The following IFT140 variants were observed in gnomAD, a reference collection of about 807,000 sequenced individuals.
IFT140 encodes the protein intraflagellar transport protein 140 homolog.
Under a neutral mutation model 164.6 loss-of-function variants are expected in IFT140, and 133 were observed. The observed-to-expected ratio is 0.81, with a 90% confidence interval of 0.70 to 0.93. IFT140 has a LOEUF of 0.93. Ranked by LOEUF, IFT140 falls within the 40% of genes least tolerant of loss-of-function variation. IFT140 has a pLI of 0.00. For missense variants in IFT140, 2,045 were observed against 1,972.3 expected, an observed-to-expected ratio of 1.04 and a Z score of -0.70; for synonymous variants, 860 against 817.3, an observed-to-expected ratio of 1.05 and a Z score of -0.89.
chr16:1,517,839 G>A (rs949028785), intron 30 of IFT140, among the ~76,000 whole-genome samples: 3 of 152,028 alleles, frequency 2.0e-5, no homozygotes, highest in Non-Finnish European at 4.4e-5. Context: ...GCTACCGACA[G>A]ATTTTTTTTT....
intron 3 of IFT140, among the ~76,000 whole-genome samples, chr16:1,603,933 G>A (rs1485544227): frequency 6.6e-6 from 1 of 152,124 alleles, no homozygotes; most frequent in Non-Finnish European, 1.5e-5. Flanking sequence ...TCACTATTTT[G>A]AAATCCTGAA....
At chr16:1,525,744 C>CT in intron 21 of IFT140, 143 bp downstream of exon 21, 2 of 870,050 alleles carry the variant, frequency 2.3e-6, no homozygotes, top group Non-Finnish European at 3.4e-6. Context: ...CCAGAAGCTT[C>CT]CTGCCGAGAA....
rs1224073454 is a variant in IFT140 at position 1,599,143 on chromosome 16, GC to G, written c.369+3226del. Among the ~76,000 whole-genome samples, 10 of 80,034 alleles carry G rather than the reference GC, an allele frequency of 1.2e-4. No homozygotes were observed. The East Asian group carries it at 3.9e-3, about 31-fold the overall frequency. 52.5% of individuals were successfully genotyped at this position (80,034 alleles called of 152,430 possible). On this transcript the variant is annotated intron_variant, in intron 4 of 30. Coordinates refer to ENST00000426508, the MANE Select transcript of IFT140 (RefSeq NM_014714.4). ...AGGTGAGGAGCGTCTCTGCCCGGCC[GC>G]CCCGTCTGAGAAGTGAGGAGACCCT...
At chr16:1,530,133 CTTTTTTTT>C (rs922819138) in intron 19 of IFT140, among the ~76,000 whole-genome samples, 3 of 88,586 alleles carry the variant, frequency 3.4e-5, no homozygotes, top group Admixed American at 1.4e-4. Flanking sequence ...CGACGGGAAT[CTTTTTTTT>C]TTTTTTTTTT....
intron 13 of IFT140, among the ~76,000 whole-genome samples, chr16:1,572,454 G>A (rs2034071124): frequency 6.6e-6 from 1 of 152,172 alleles, no homozygotes; most frequent in Admixed American, 6.5e-5. Context: ...AGACCATCCA[G>A]GCTAACACGG....
At chr16:1,611,490 C>CAAAAAA (rs150781872) in intron 1 of IFT140, among the ~76,000 whole-genome samples, 1 of 86,822 alleles carries the variant, frequency 1.2e-5, no homozygotes, top group Non-Finnish European at 2.4e-5. Context: ...CAGAGCGAGT[C>CAAAAAA]AAAAAAAAAA....
chr16:1,607,319 C>G (rs2036128191), intron 2 of IFT140, 22 bp from the exon 3 acceptor site: 12 of 1,552,654 alleles, frequency 7.7e-6, no homozygotes, highest in African/African-American at 5.5e-5. Flanking sequence ...AAAAAATGAC[C>G]AAGTCCAATC....
chr16:1,571,498 CAGTCTCCGA>C lies in IFT140; in HGVS notation c.1552_1560del (p.Ser518_Thr520del). Reference sequence around the variant, plus strand: ...ATGTCCAAGAAGCAGGGATTCCCCTCAGTCTCCGAGAAAAGGAGGAGTTGTTTGACAGTC... The same window carrying C: ...ATGTCCAAGAAGCAGGGATTCCCCTCGAAAAGGAGGAGTTGTTTGACAGTC... On this transcript the variant is annotated inframe_deletion, in exon 14 of 31. Transcript: ENST00000426508. The C allele has an allele frequency of 1.2e-6, 2 of 1,614,096 alleles. No individual in the cohort carries two copies. The highest frequency in any genetic ancestry group is 2.7e-5 in the African/African-American group (2 of 75,068).
At chr16:1,583,483 C>T in intron 11 of IFT140, 97 bp from the exon 12 acceptor site, 1 of 863,182 alleles carries the variant, frequency 1.2e-6, no homozygotes, top group Middle Eastern at 2.2e-4. Flanking sequence ...CTAAACACTT[C>T]TGAACACTGC....
chr16:1,575,669 T>C (rs1375507906), intron 13 of IFT140, among the ~76,000 whole-genome samples: 1 of 152,210 alleles, frequency 6.6e-6, no homozygotes, highest in Non-Finnish European at 1.5e-5. Context: ...CCCACTGTTA[T>C]TTCCCATCAT....
chr16:1,562,177 T>C, intron 17 of IFT140, 61 bp from the exon 18 acceptor site: 1 of 1,452,236 alleles, frequency 6.9e-7, no homozygotes, highest in Non-Finnish European at 9.2e-7. Context: ...ATTTCTGGGG[T>C]ATGAGTGCCA....
rs565663043 is a variant in IFT140, at chr16:1,513,863, C to T, written c.4183-2713G>A. Among the ~76,000 whole-genome samples, 242 of 143,672 alleles carry T rather than the reference C, an allele frequency of 1.7e-3. 1 individual carries two copies. Among genetic ancestry groups the T allele is most frequent in the Admixed American group, 9.4e-3 (139 of 14,748 alleles). The allele number at this position is 143,672 out of a possible 152,430, so 94.3% of individuals were successfully genotyped here. ...TAATTTTTTGTATTTTTAGTAGAGA[C>T]GGGGTTTCACCGTGTTAGCCAAGAT... On this transcript the variant is annotated intron_variant, in intron 30 of 30. Transcript: ENST00000426508.
At chr16:1,607,375 A>C in intron 2 of IFT140, 78 bp from the exon 3 acceptor site, 2 of 1,285,238 alleles carry the variant, frequency 1.6e-6, no homozygotes, top group Non-Finnish European at 1.1e-6. Context: ...GAATGACGAA[A>C]AGGAAGCATC....
At chr16:1,544,143 G>A (rs1490489888) in intron 19 of IFT140, among the ~76,000 whole-genome samples, 1 of 149,074 alleles carries the variant, frequency 6.7e-6, no homozygotes, top group African/African-American at 2.5e-5. Context: ...TCAGCCTCCC[G>A]TGTAGGTGGG....
Position 1,534,618 on chromosome 16 carries a change from G to A in IFT140, c.2400-7822C>T, listed in dbSNP as rs368186281. ...CGAGGCTCGAGGGCACATGGGAGAT[G>A]TTAGGCGCGGACCTGGTGAGCGGGT... is the stretch of plus-strand genomic sequence containing the variant. On this transcript the variant is annotated intron_variant, in intron 19 of 30. Transcript: ENST00000426508. 2.3e-4 allele frequency: 373 copies of A among 1,591,420 alleles called. 2 individuals are homozygous for A. The East Asian group carries it at 5.0e-3, about 22-fold the overall frequency.
Position 1,564,262 on chromosome 16 carries a change from G to T in IFT140, c.1902-100C>A. 1 of 1,039,622 alleles carries T rather than the reference G, an allele frequency of 9.6e-7. No homozygotes were observed. Among genetic ancestry groups the T allele is most frequent in the Non-Finnish European group, 1.3e-6 (1 of 745,074 alleles). 64.4% of individuals were successfully genotyped at this position (1,039,622 alleles called of 1,614,324 possible). A position where few individuals can be genotyped will look rare whatever the true frequency, so the allele number is the denominator to read the frequency against. On this transcript the variant is annotated intron_variant, in intron 16 of 30. Transcript: ENST00000426508. This position sits in a 1 kb window ranked among gnomAD's most constrained non-coding sequence, Gnocchi z 5.5. Reference sequence around the variant, plus strand: ...CCCGAAGCCTCCAGGTGCTGTCCCAGACCATGGTGTCCACGCGCTCAGCTC... The same window carrying T: ...CCCGAAGCCTCCAGGTGCTGTCCCATACCATGGTGTCCACGCGCTCAGCTC...
At position 1,526,770 on chromosome 16, in the gene IFT140, C is replaced by G. The variant is rs780661065; in HGVS notation, c.2426G>C (p.Arg809Pro). The G allele has an allele frequency of 2.5e-6, 4 of 1,610,116 alleles. No individual in the cohort carries two copies. In the South Asian group the frequency reaches 3.3e-5, roughly 13 times the overall value. ...KSEAVWENMA[R>P]MCVKTQRLDV... is the part of the protein sequence containing the mutation. ...CAGCCGCTGGGTCTTCACGCACATGCGCGCCATGTTCTCCCAGACGGCCTC... is the reference window on the plus strand; with the variant it reads ...CAGCCGCTGGGTCTTCACGCACATGGGCGCCATGTTCTCCCAGACGGCCTC... Residue 809 changes from arginine to proline, a missense_variant, in exon 20 of 31, where the codon CGC (arginine) becomes CCC (proline). By Grantham distance (103) the Arg-to-Pro change is moderately radical (BLOSUM62 -2). Transcript: ENST00000426508.
chr16:1,584,190 C>A, intron 11 of IFT140, 27 bp downstream of exon 11: 1 of 1,600,476 alleles, frequency 6.2e-7, no homozygotes, highest in South Asian at 1.1e-5. Flanking sequence ...TGTCTGTGTC[C>A]CACCCACGGG....
At chr16:1,543,119 C>T (rs989359520) in intron 19 of IFT140, among the ~76,000 whole-genome samples, 3 of 152,224 alleles carry the variant, frequency 2.0e-5, no homozygotes, top group Non-Finnish European at 2.9e-5. Flanking sequence ...CCGGTGCCCG[C>T]AGAGACAGGG....
Sources: allele counts gnomAD v4.1 joint callset (sites outside exome capture counted in the v4.1 genomes callset), GRCh38; gene constraint gnomAD v4.1.1; non-coding constraint Gnocchi (gnomAD v3.1); transcripts MANE v1.5; gene names NCBI Gene and HGNC (gene_info 2026-07-23, HGNC 2026-07-21).